UTP6: variants seen among roughly 807,000 people sequenced by gnomAD.
UTP6 encodes the protein U3 small nucleolar RNA-associated protein 6 homolog.
Under a neutral mutation model 96.5 loss-of-function variants are expected in UTP6, and 60 were observed. The ratio of observed to expected loss-of-function variants is 0.62; its 90% CI spans 0.51 to 0.77. The LOEUF (loss-of-function observed/expected upper bound fraction) is 0.77, where lower values mean the gene tolerates loss of function less well. Among genes scored for constraint, UTP6 ranks in the 30% least tolerant of loss-of-function variants. The probability of loss-of-function intolerance (pLI) is 0.00; values close to 1 mark genes in which losing one functional copy is unlikely to be tolerated. For missense variants in UTP6, 637 were observed against 706.5 expected (o/e 0.90, Z 1.12); for synonymous variants, 215 against 240.1 (o/e 0.90, Z 0.96).
chr17:31,894,137 C>T (rs1904496240), intron 4 of UTP6, among the ~76,000 whole-genome samples: 1 of 150,750 alleles, frequency 6.6e-6, no homozygotes, highest in South Asian at 2.1e-4. Flanking sequence ...GGCACGGTGG[C>T]ATGCGCCTGT....
chr17:31,895,648 C>T (rs1457897585), intron 2 of UTP6, among the ~76,000 whole-genome samples: 1 of 152,016 alleles, frequency 6.6e-6, no homozygotes, highest in African/African-American at 2.4e-5. Context: ...ATTCTCCTGC[C>T]TCAGCCTCCC....
intron 6 of UTP6, 149 bp downstream of exon 6, chr17:31,892,111 G>A (rs1904353616): frequency 4.3e-6 from 3 of 702,958 alleles, no homozygotes; most frequent in South Asian, 3.5e-5. Flanking sequence ...GAACTATGAG[G>A]CAGCTATTCA....
rs3084042 is a variant in UTP6 at position 31,893,734 on chromosome 17, CAAA to C, written c.312+908_312+910del. Among the ~76,000 whole-genome samples, 89 of 84,454 alleles carry C rather than the reference CAAA, an allele frequency of 1.1e-3. 1 individual carries two copies. Among genetic ancestry groups the C allele is most frequent in the East Asian group, 3.3e-3 (9 of 2,688 alleles). 55.4% of individuals were successfully genotyped at this position (84,454 alleles called of 152,430 possible). A position where few individuals can be genotyped will look rare whatever the true frequency, so the allele number is the denominator to read the frequency against. ...AACAGAGCAAAACTCCATCCCCCAC[CAAA>C]AAAAAAAAAAAAAAAAAAGAAGCAG... On this transcript the variant is annotated intron_variant, in intron 4 of 18. Transcript: ENST00000261708.
At chr17:31,876,036 CT>C (rs1910484000) in intron 13 of UTP6, among the ~76,000 whole-genome samples, 1 of 151,316 alleles carries the variant, frequency 6.6e-6, no homozygotes. Context: ...TTTTGTTTTT[CT>C]TTTTCTTTTT....
intron 18 of UTP6, among the ~76,000 whole-genome samples, chr17:31,864,894 C>G (rs1175875905): frequency 6.6e-6 from 1 of 151,842 alleles, no homozygotes; most frequent in Admixed American, 6.6e-5. Context: ...CCCATGGACC[C>G]CTGAACTTAT....
In UTP6 at chr17:31,901,533, C is replaced by T. The variant is rs753220646; in HGVS notation, c.92+3G>A. 6 of 1,613,842 alleles carry T rather than the reference C, an allele frequency of 3.7e-6. No homozygotes were observed. Among genetic ancestry groups the T allele is most frequent in the Non-Finnish European group, 4.2e-6 (5 of 1,179,970 alleles). Reference sequence around the variant, plus strand: ...CTCTTCCCTCTCCCCAACCCTCTCTCACTTAATCTCCGCATGACTGAACAG... The same window carrying T: ...CTCTTCCCTCTCCCCAACCCTCTCTTACTTAATCTCCGCATGACTGAACAG... On this transcript the variant is annotated splice_donor_region_variant and intron_variant, in intron 1 of 18. Transcript: ENST00000261708.
At position 31,898,895 on chromosome 17, in the gene UTP6, G is replaced by A. The variant is rs180781772; in HGVS notation, c.177+751C>T. Among the ~76,000 whole-genome samples, 23 of 152,064 alleles carry A rather than the reference G, an allele frequency of 1.5e-4. No individual in the cohort carries two copies. In the East Asian group the frequency reaches 1.6e-3, roughly 10 times the overall value. On this transcript the variant is annotated intron_variant, in intron 2 of 18. Coordinates refer to ENST00000261708, the MANE Select transcript of UTP6 (RefSeq NM_018428.3). Reference sequence around the variant, plus strand: ...GTCTCTACTAAAAGTAGCTGGGTGCGGTGCCATACGCCTGTAATCCCAGTT... The same window carrying A: ...GTCTCTACTAAAAGTAGCTGGGTGCAGTGCCATACGCCTGTAATCCCAGTT...
At chr17:31,882,671 T>C (rs921881641) in intron 10 of UTP6, among the ~76,000 whole-genome samples, 1 of 152,144 alleles carries the variant, frequency 6.6e-6, no homozygotes, top group Non-Finnish European at 1.5e-5. Context: ...CCTACTCCTC[T>C]CTCAAAACCC....
chr17:31,882,720 TC>T (rs1910914857), intron 10 of UTP6, among the ~76,000 whole-genome samples: 1 of 151,980 alleles, frequency 6.6e-6, no homozygotes, highest in African/African-American at 2.4e-5. Context: ...AAGTTCCATT[TC>T]CCCTCCTGTC....
intron 16 of UTP6, 43 bp downstream of exon 16, chr17:31,873,335 T>C (rs370824780): frequency 7.6e-5 from 119 of 1,572,978 alleles, no homozygotes; most frequent in Admixed American, 6.1e-4. Flanking sequence ...CGGCTGAGCA[T>C]GGGGTAGAGG....
intron 18 of UTP6, among the ~76,000 whole-genome samples, chr17:31,864,758 GACC>G (rs1909721003): frequency 6.6e-6 from 1 of 151,632 alleles, no homozygotes; most frequent in Non-Finnish European, 1.5e-5. Context: ...GTGTAGCTGG[GACC>G]ACAAGCATGC....
At position 31,892,673 on chromosome 17, in the gene UTP6, T is replaced by C. The variant is rs1053682401; in HGVS notation, c.360+74A>G. 12 of 1,587,566 alleles carry C rather than the reference T, an allele frequency of 7.6e-6. No homozygotes were observed. The South Asian group carries it at 7.8e-5, about 10-fold the overall frequency. On this transcript the variant is annotated intron_variant, in intron 5 of 18. Transcript: ENST00000261708. ...TAACCCTACACTTCAGGAAAAAACATCTGGCATGAAGCTTAAAGGGCAGAT... is the reference window on the plus strand; with the variant it reads ...TAACCCTACACTTCAGGAAAAAACACCTGGCATGAAGCTTAAAGGGCAGAT...
chr17:31,887,022 CAACATTA>C (rs1911185207), intron 8 of UTP6, among the ~76,000 whole-genome samples: 1 of 151,748 alleles, frequency 6.6e-6, no homozygotes, highest in South Asian at 2.1e-4. Context: ...CAAAATGTAA[CAACATTA>C]AACATTAAAG....
chr17:31,885,884 A>G, intron 9 of UTP6, 96 bp downstream of exon 9: 2 of 1,050,472 alleles, frequency 1.9e-6, no homozygotes, highest in Non-Finnish European at 2.8e-6. Flanking sequence ...AGTTTTATAC[A>G]CATTCTAATG....
intron 6 of UTP6, 110 bp downstream of exon 6, chr17:31,892,150 T>A: frequency 8.0e-7 from 1 of 1,247,864 alleles, no homozygotes; most frequent in Admixed American, 2.1e-5. Flanking sequence ...GCCAACTGCC[T>A]AAGCTCAAGT....
At chr17:31,889,155 C>A in intron 7 of UTP6, 130 bp downstream of exon 7, 1 of 582,808 alleles carries the variant, frequency 1.7e-6, no homozygotes, top group Non-Finnish European at 2.9e-6. Flanking sequence ...GGTATGGTGG[C>A]GGGCACCTGT....
chr17:31,879,628 C>T (rs1176870863), intron 11 of UTP6, among the ~76,000 whole-genome samples: 1 of 149,534 alleles, frequency 6.7e-6, no homozygotes. Flanking sequence ...GCTGAAATTG[C>T]GCCACTGCAC....
In UTP6 at chr17:31,861,343, A is replaced by G. The variant is rs1169828534; in HGVS notation, c.*2016T>C. The G allele has an allele frequency of 6.6e-6, 1 of 152,176 alleles. No individual in the cohort carries two copies. Among genetic ancestry groups the G allele is most frequent in the Non-Finnish European group, 1.5e-5 (1 of 68,038 alleles). The allele number at this position is 152,176 out of a possible 1,614,324, so 9.4% of individuals were successfully genotyped here. On this transcript the variant is annotated 3_prime_UTR_variant, in exon 19 of 19. Coordinates refer to ENST00000261708, the MANE Select transcript of UTP6 (RefSeq NM_018428.3). ...TTTTTAAAAACTCTGGCCAGGCACAATGGCTCATGCCTATAATACCAGCAC... is the reference window on the plus strand; with the variant it reads ...TTTTTAAAAACTCTGGCCAGGCACAGTGGCTCATGCCTATAATACCAGCAC...
intron 18 of UTP6, among the ~76,000 whole-genome samples, chr17:31,864,280 G>A (rs1909694524): frequency 6.6e-6 from 1 of 152,118 alleles, no homozygotes; most frequent in South Asian, 2.1e-4. Context: ...CCAGCTACTT[G>A]GGAGGCTGAG....
Sources: gnomAD v4.1 joint callset for allele counts (sites outside exome capture counted in the v4.1 genomes callset) on GRCh38, gnomAD v4.1.1 for gene constraint, MANE v1.5 for transcripts, NCBI Gene and HGNC (gene_info 2026-07-23, HGNC 2026-07-21) for gene names.